The following MGST2 variants were observed in gnomAD, a reference collection of about 807,000 sequenced individuals.
The protein encoded by MGST2 is microsomal glutathione S-transferase 2.
MGST2 carries 9 observed loss-of-function variants against 16.6 expected under a neutral mutation model. That is an observed-to-expected ratio of 0.54 (90% CI 0.33 to 0.95). The LOEUF (loss-of-function observed/expected upper bound fraction) is 0.95. Ranked by LOEUF, MGST2 falls within the 40% of genes least tolerant of loss-of-function variation. The pLI is 0.03. For synonymous variants in MGST2, 79 were observed against 68.0 expected (o/e 1.16, Z -0.79); for missense variants, 159 against 175.1 (o/e 0.91, Z 0.52).
At chr4:139,700,127 C>CTTTTT (rs56662682) in intron 3 of MGST2, among the ~76,000 whole-genome samples, 38 of 82,970 alleles carry the variant, frequency 4.6e-4, no homozygotes, top group Non-Finnish European at 6.2e-4. Flanking sequence ...TTTGGTTTTG[C>CTTTTT]TTTTTTTTTT....
At chr4:139,696,074 G>A (rs1726904076) in intron 3 of MGST2, among the ~76,000 whole-genome samples, 1 of 152,136 alleles carries the variant, frequency 6.6e-6, no homozygotes, top group African/African-American at 2.4e-5. Flanking sequence ...AAAATTATAA[G>A]TAAGAACAAA....
chr4:139,740,267 C>CCA (rs1188295385), exon 6 of MGST2: 4 of 152,194 alleles, frequency 2.6e-5, no homozygotes, highest in Non-Finnish European at 4.4e-5. Flanking sequence ...TTCAAGAACT[C>CCA]GAGAGGTGGG....
downstream of MGST2, among the ~76,000 whole-genome samples, chr4:139,743,444 T>G (rs67917842): frequency 0.23 from 35,077 of 152,218 alleles, 4,291 homozygotes; most frequent in Admixed American, 0.35. Context: ...TTCCCCTTTG[T>G]GTTTCTGTTT....
At chr4:139,734,197 C>T (rs1360199229) in intron 5 of MGST2, among the ~76,000 whole-genome samples, 1 of 152,194 alleles carries the variant, frequency 6.6e-6, no homozygotes, top group African/African-American at 2.4e-5. Context: ...TTTTAACCTC[C>T]AGTCTCAGAG....
intron 5 of MGST2, among the ~76,000 whole-genome samples, chr4:139,711,791 T>A (rs1560761118): frequency 6.6e-6 from 1 of 152,208 alleles, no homozygotes. Flanking sequence ...TTGCCGCCTC[T>A]GACATTTCCC....
chr4:139,720,164 G>C (rs1191644377), intron 5 of MGST2: 2 of 1,614,056 alleles, frequency 1.2e-6, no homozygotes, highest in Admixed American at 1.7e-5. Flanking sequence ...GCTATAAGGG[G>C]CCAGTCCCAT....
At chr4:139,731,818 G>A (rs1343062676) in intron 5 of MGST2, among the ~76,000 whole-genome samples, 3 of 152,200 alleles carry the variant, frequency 2.0e-5, no homozygotes, top group South Asian at 2.1e-4. Context: ...GCTCAAAGGC[G>A]AAGTTTATGC....
intron 5 of MGST2, chr4:139,719,136 A>G: frequency 1.6e-6 from 1 of 621,666 alleles, no homozygotes; most frequent in Non-Finnish European, 2.7e-6. Context: ...GCTGTGTGAA[A>G]ATCAGGTGAA....
chr4:139,703,677 G>A (rs1044943210), intron 4 of MGST2, 141 bp downstream of exon 4: 13 of 824,018 alleles, frequency 1.6e-5, no homozygotes, highest in African/African-American at 1.5e-4. Context: ...GTCAAGTCTT[G>A]CCAGTTCATA....
intron 2 of MGST2, among the ~76,000 whole-genome samples, chr4:139,691,688 G>GATTATT (rs1491530941): frequency 4.3e-5 from 6 of 139,522 alleles, no homozygotes; most frequent in African/African-American, 1.6e-4. Flanking sequence ...TGATGATGAT[G>GATTATT]ATGATGATGA....
chr4:139,681,079 C>T (rs1034473791), intron 2 of MGST2, among the ~76,000 whole-genome samples: 5 of 152,084 alleles, frequency 3.3e-5, no homozygotes, highest in African/African-American at 1.2e-4. Context: ...TACAGTGGCA[C>T]AATCTCACCT....
At chr4:139,716,542 A>AGAG (rs1458069541) in intron 5 of MGST2, among the ~76,000 whole-genome samples, 1 of 147,614 alleles carries the variant, frequency 6.8e-6, no homozygotes, top group South Asian at 2.1e-4. Context: ...CACATCCTTC[A>AGAG]GAGTGCGGCA....
At chr4:139,687,225 C>T (rs1056029091) in intron 2 of MGST2, among the ~76,000 whole-genome samples, 7 of 152,208 alleles carry the variant, frequency 4.6e-5, no homozygotes, top group Admixed American at 3.3e-4. Context: ...TGAGCAACAA[C>T]ACAGTAGTTG....
chr4:139,711,089 C>T (rs898327616), intron 5 of MGST2, among the ~76,000 whole-genome samples: 1 of 151,676 alleles, frequency 6.6e-6, no homozygotes, highest in Non-Finnish European at 1.5e-5. Flanking sequence ...TCACAATCCA[C>T]TGCAGCCTTG....
rs1159655181 is a variant in MGST2 at position 139,735,461 on chromosome 4, G to A, written c.*49-4751G>A. On this transcript the variant is annotated intron_variant, in intron 5 of 5. Coordinates refer to the MGST2 transcript ENST00000616265. The surrounding 1 kb of genome is among the most constrained non-coding windows in gnomAD (Gnocchi z 5.8). Reference sequence around the variant, plus strand: ...CTGGGAGTGGGGTAGGGGGGCAGTGGCGACCTCCGGGGGGGGAGGGTGGCG... The same window carrying A: ...CTGGGAGTGGGGTAGGGGGGCAGTGACGACCTCCGGGGGGGGAGGGTGGCG... 1.3e-5 allele frequency among the ~76,000 whole-genome samples: 2 copies of A among 150,828 alleles called. No homozygotes were observed. Among genetic ancestry groups the A allele is most frequent in the African/African-American group, 2.4e-5 (1 of 41,038 alleles).
chr4:139,690,356 G>T (rs1296188544), intron 2 of MGST2, among the ~76,000 whole-genome samples: 1 of 152,040 alleles, frequency 6.6e-6, no homozygotes, highest in African/African-American at 2.4e-5. Context: ...TGCCCAGGCT[G>T]GTCTCAAACT....
At chr4:139,730,414 A>G (rs1482754958) in intron 5 of MGST2, 1 of 1,538,950 alleles carries the variant, frequency 6.5e-7, no homozygotes, top group East Asian at 2.5e-5. Context: ...GGGGCATGTT[A>G]CCTGTTCCGC....
intron 5 of MGST2, among the ~76,000 whole-genome samples, chr4:139,734,275 A>C (rs1242176923): frequency 2.0e-5 from 3 of 152,228 alleles, no homozygotes; most frequent in Admixed American, 6.5e-5. Flanking sequence ...TAAGAAGGAC[A>C]CACACTGTGT....
chr4:139,709,003 AAAAAAAAAAAAAG>A (rs1290476995), downstream of MGST2, among the ~76,000 whole-genome samples: 2 of 150,122 alleles, frequency 1.3e-5, no homozygotes, highest in South Asian at 2.1e-4. Flanking sequence ...CCGTCTCAAA[AAAAAAAAAAAAAG>A]AAAAAGAAAA....
Sources: allele counts gnomAD v4.1 joint callset (sites outside exome capture counted in the v4.1 genomes callset), GRCh38; gene constraint gnomAD v4.1.1; non-coding constraint Gnocchi (gnomAD v3.1); transcripts MANE v1.5; gene names NCBI Gene and HGNC (gene_info 2026-07-23, HGNC 2026-07-21).